PAK4: variants seen among roughly 807,000 people sequenced by gnomAD.
PAK4 encodes the protein p21 (RAC1) activated kinase 4.
PAK4 carries 49 observed loss-of-function variants against 53.5 expected under a neutral mutation model. That is an observed-to-expected ratio of 0.92 (90% CI 0.73 to 1.16). PAK4 has a LOEUF of 1.16. PAK4 is among the 50% of genes most tolerant of loss of function. The pLI, the probability that PAK4 is intolerant of heterozygous loss-of-function variation, is 0.00. For synonymous variants in PAK4, 376 were observed against 375.6 expected (o/e 1.00, Z -0.01); for missense variants, 824 against 850.7 (o/e 0.97, Z 0.39).
At chr19:39,141,817 A>G (rs1053015926) in intron 1 of PAK4, among the ~76,000 whole-genome samples, 4 of 151,824 alleles carry the variant, frequency 2.6e-5, no homozygotes, top group African/African-American at 9.7e-5. Context: ...TGTATTTTTT[A>G]GTAGAGACAG....
intron 1 of PAK4, among the ~76,000 whole-genome samples, chr19:39,158,188 TGA>T (rs1349889350): frequency 6.6e-6 from 1 of 151,598 alleles, no homozygotes. Flanking sequence ...TGCATGTGTG[TGA>T]GCGTGCATGT....
chr19:39,142,626 CAT>C lies in PAK4; in HGVS notation c.-23+16708_-23+16709del, dbSNP rs1287157897. Among the ~76,000 whole-genome samples, 14 of 152,180 alleles carry C rather than the reference CAT, an allele frequency of 9.2e-5. No homozygotes were observed. In the East Asian group the frequency reaches 1.3e-3, roughly 15 times the overall value. On this transcript the variant is annotated intron_variant, in intron 1 of 8. Transcript: ENST00000358301. Reference sequence around the variant, plus strand: ...GCTTCAAGTAAACCAGTGGCATTAACATGTGGGCCTCTGGTTCCTGCTTTGCT... The same window carrying C: ...GCTTCAAGTAAACCAGTGGCATTAACGTGGGCCTCTGGTTCCTGCTTTGCT...
chr19:39,149,894 T>G (rs903623936), intron 1 of PAK4, among the ~76,000 whole-genome samples: 6 of 152,028 alleles, frequency 3.9e-5, no homozygotes, highest in South Asian at 4.1e-4. Flanking sequence ...TATGTATATA[T>G]AGAGAGAAAG....
At chr19:39,169,182 T>C (rs2144817061) in intron 1 of PAK4, among the ~76,000 whole-genome samples, 1 of 150,496 alleles carries the variant, frequency 6.6e-6, no homozygotes, top group East Asian at 2.0e-4. Flanking sequence ...CGGGGAGCCC[T>C]GTGCAGACAC....
At chr19:39,176,315 G>A (rs564106330) in intron 6 of PAK4, among the ~76,000 whole-genome samples, 9 of 152,322 alleles carry the variant, frequency 5.9e-5, no homozygotes, top group African/African-American at 2.2e-4. Flanking sequence ...TTTGCTATCT[G>A]CAGTACTCAG....
At position 39,138,101 on chromosome 19, in the gene PAK4, C is replaced by T. The variant is rs1056566105; in HGVS notation, c.-23+12182C>T. Among the ~76,000 whole-genome samples, 16 of 152,212 alleles carry T rather than the reference C, an allele frequency of 1.1e-4. No individual in the cohort carries two copies. In the East Asian group the frequency reaches 1.4e-3, roughly 13 times the overall value. ...GGTTCAAGCAATTCTCTTTCCTCAG[C>T]CTCAGTAGCTGGGACTGCAGGTACA... is the stretch of plus-strand genomic sequence containing the variant. On this transcript the variant is annotated intron_variant, in intron 1 of 8. Transcript: ENST00000358301.
chr19:39,146,058 T>G (rs368905995), intron 1 of PAK4, among the ~76,000 whole-genome samples: 1 of 152,254 alleles, frequency 6.6e-6, no homozygotes, highest in Non-Finnish European at 1.5e-5. Context: ...AGCTAGTGTG[T>G]GGAAGCCTCT....
intron 1 of PAK4, among the ~76,000 whole-genome samples, chr19:39,144,270 CTG>C (rs1451901228): frequency 3.3e-5 from 5 of 152,202 alleles, no homozygotes; most frequent in African/African-American, 1.2e-4. Context: ...CGCCGTGTGA[CTG>C]AGGGCTGACA....
intron 1 of PAK4, among the ~76,000 whole-genome samples, chr19:39,137,435 G>C (rs2073835675): frequency 6.6e-6 from 1 of 152,154 alleles, no homozygotes; most frequent in Admixed American, 6.5e-5. Context: ...CCAAGCTGCT[G>C]CCTGGGCCTC....
chr19:39,174,083 T>G, intron 4 of PAK4, 73 bp downstream of exon 5: 1 of 809,128 alleles, frequency 1.2e-6, no homozygotes, highest in Non-Finnish European at 1.8e-6. Context: ...CCCTCCTCCC[T>G]CCTCTCCCTG....
At chr19:39,181,063 C>T (rs568793154), downstream of PAK4, 1 of 150,478 alleles carries the variant, frequency 6.6e-6, no homozygotes, top group South Asian at 2.1e-4. Flanking sequence ...CCTTCAGTCA[C>T]TCACTGCAGG....
chr19:39,140,686 G>C (rs563707864), intron 1 of PAK4, among the ~76,000 whole-genome samples: 1 of 152,258 alleles, frequency 6.6e-6, no homozygotes, highest in African/African-American at 2.4e-5. Context: ...AGGGATGAGG[G>C]CTCCCCTTGC....
exon 2 of PAK4, chr19:39,169,633 A>G (rs753278807): frequency 1.2e-6 from 2 of 1,613,660 alleles, no homozygotes; most frequent in South Asian, 1.1e-5. Flanking sequence ...GGCTTCGACC[A>G]GCACGAGCAG....
intron 1 of PAK4, among the ~76,000 whole-genome samples, chr19:39,140,220 C>T (rs1408749787): frequency 3.9e-5 from 6 of 152,166 alleles, no homozygotes; most frequent in Non-Finnish European, 8.8e-5. Context: ...CAGAAACTTC[C>T]CAGATTTCTG....
intron 2 of PAK4, among the ~76,000 whole-genome samples, chr19:39,171,179 C>T (rs1410273680): frequency 1.3e-5 from 2 of 151,892 alleles, no homozygotes; most frequent in East Asian, 3.9e-4. Context: ...GGGCCTCAGG[C>T]CTCCCAGGAC....
At position 39,173,006 on chromosome 19, in the gene PAK4, A is replaced by G; in HGVS notation, c.293A>G (p.Asn98Ser). The G allele has an allele frequency of 1.3e-6, 2 of 1,549,474 alleles. No individual in the cohort carries two copies. Among genetic ancestry groups the G allele is most frequent in the Non-Finnish European group, 1.7e-6 (2 of 1,146,936 alleles). The stretch of plus-strand genomic sequence containing the variant: ...GAGAACATGTCGGTGACACGCTCCA[A>G]CTCCCTGCGGAGAGACAGCCCGCCG... Residue 98 changes from asparagine to serine, a missense_variant, in exon 3 of 9, where the codon AAC (asparagine) becomes AGC (serine). Asn to Ser is a conservative substitution (Grantham distance 46, BLOSUM62 1). Coordinates refer to ENST00000358301, the Ensembl canonical transcript of PAK4. The surrounding 1 kb of genome is among the most constrained non-coding windows in gnomAD (Gnocchi z 6.9).
intron 1 of PAK4, among the ~76,000 whole-genome samples, chr19:39,127,375 C>T (rs1485713467): frequency 6.6e-6 from 1 of 152,082 alleles, no homozygotes; most frequent in African/African-American, 2.4e-5. Flanking sequence ...CCCCACCCTG[C>T]CCTCTCTCAC....
In PAK4 at chr19:39,164,950, T is replaced by C. The variant is rs569862203; in HGVS notation, c.-22-4582T>C. On this transcript the variant is annotated intron_variant, in intron 1 of 8. Coordinates refer to ENST00000358301, the Ensembl canonical transcript of PAK4. ...GGGAGGGGTTGGTTTTAAGCATCTT[T>C]CCTGCTGCACAGGCCCATGGGAAAG... Among the ~76,000 whole-genome samples, 24 of 151,972 alleles carry C rather than the reference T, an allele frequency of 1.6e-4. No homozygotes were observed. In the South Asian group the frequency reaches 3.8e-3, roughly 24 times the overall value.
intron 4 of PAK4, among the ~76,000 whole-genome samples, 185 bp downstream of exon 5, chr19:39,174,195 C>T (rs577489171): frequency 5.0e-4 from 76 of 151,848 alleles, no homozygotes; most frequent in African/African-American, 1.8e-3. Context: ...GTCCTCACAG[C>T]ACCCTCACCC....
Sources: gnomAD v4.1 joint callset for allele counts (sites outside exome capture counted in the v4.1 genomes callset) on GRCh38, gnomAD v4.1.1 for gene constraint, Gnocchi (gnomAD v3.1) non-coding constraint, MANE v1.5 for transcripts, NCBI Gene and HGNC (gene_info 2026-07-23, HGNC 2026-07-21) for gene names.